METTL9: variants seen among roughly 807,000 people sequenced by gnomAD.
METTL9 encodes protein-L-histidine N-pros-methyltransferase.
A neutral mutation model predicts 36.0 loss-of-function variants in METTL9; 10 were observed. The observed-to-expected ratio is 0.28, with a 90% CI of 0.17 to 0.47. METTL9 has a LOEUF of 0.47. Among genes scored for constraint, METTL9 ranks in the 20% least tolerant of loss-of-function variants. The pLI is 0.99. For synonymous variants in METTL9, 175 were observed against 149.7 expected, an observed-to-expected ratio of 1.17 and a Z score of -1.23; for missense variants, 246 against 383.5, an observed-to-expected ratio of 0.64 and a Z score of 3.00.
intron 4 of METTL9, chr16:21,639,920 C>CTTTA (rs1747998240): frequency 6.8e-6 from 1 of 147,448 alleles, no homozygotes; most frequent in South Asian, 2.1e-4. Flanking sequence ...AAAAGAAACA[C>CTTTA]TTTATTTTAT....
At chr16:21,613,169 T>A (rs979280102) in intron 2 of METTL9, among the ~76,000 whole-genome samples, 1 of 8,756 alleles carries the variant, frequency 1.1e-4, no homozygotes, top group Non-Finnish European at 2.7e-4. Context: ...GAGAGTCTGC[T>A]TTTTTTTTTT....
Position 21,656,235 on chromosome 16 carries a change from C to A in METTL9, c.*803C>A, listed in dbSNP as rs546957027. The A allele has an allele frequency of 7.1e-6, 1 of 140,646 alleles. No individual in the cohort carries two copies. Among genetic ancestry groups the A allele is most frequent in the African/African-American group, 2.7e-5 (1 of 37,634 alleles). The allele number at this position is 140,646 out of a possible 1,614,324, so 8.7% of individuals were successfully genotyped here. ...AAAATGCAAAATAACCTGGTTCTGA[C>A]TTTGTGATCACTCATGTCCCATACA... On this transcript the variant is annotated 3_prime_UTR_variant, in exon 5 of 5. Coordinates refer to ENST00000358154, the MANE Select transcript of METTL9 (RefSeq NM_016025.5).
chr16:21,629,288 G>A (rs1306578885), intron 4 of METTL9, among the ~76,000 whole-genome samples: 1 of 152,108 alleles, frequency 6.6e-6, no homozygotes, highest in African/African-American at 2.4e-5. Context: ...GAGGTGATTA[G>A]GATTAGATGA....
chr16:21,655,665 C>T lies in METTL9; in HGVS notation c.*233C>T, dbSNP rs1350669082. 6.1e-6 allele frequency: 3 copies of T among 489,742 alleles called. No individual in the cohort carries two copies. Among genetic ancestry groups the T allele is most frequent in the Non-Finnish European group, 1.1e-5 (3 of 277,018 alleles). The allele number at this position is 489,742 out of a possible 1,614,324, so 30.3% of individuals were successfully genotyped here. A position where few individuals can be genotyped will look rare whatever the true frequency, so the allele number is the denominator to read the frequency against. On this transcript the variant is annotated 3_prime_UTR_variant, in exon 5 of 5. Coordinates refer to ENST00000358154, the MANE Select transcript of METTL9 (RefSeq NM_016025.5). The stretch of plus-strand genomic sequence containing the variant: ...TTTTTATCAACTCTTTACTCAGAGC[C>T]ACTCTCCAATGCAGGTCACACTCCA...
intron 3 of METTL9, among the ~76,000 whole-genome samples, chr16:21,621,021 A>T (rs912639943): frequency 6.6e-6 from 1 of 151,944 alleles, no homozygotes; most frequent in Non-Finnish European, 1.5e-5. Flanking sequence ...CCTGGGCTAG[A>T]GCATGTGGCG....
chr16:21,630,490 G>A (rs1384529233), intron 4 of METTL9, among the ~76,000 whole-genome samples: 1 of 152,230 alleles, frequency 6.6e-6, no homozygotes, highest in Non-Finnish European at 1.5e-5. Flanking sequence ...AGGGCTGCTA[G>A]CACGTTGTCA....
chr16:21,654,500 C>T (rs909664797), intron 4 of METTL9: 1 of 152,344 alleles, frequency 6.6e-6, no homozygotes, highest in African/African-American at 2.4e-5. Flanking sequence ...TCCCTAGTCC[C>T]CTTGTCCCCC....
chr16:21,617,189 C>T (rs1184078675), intron 2 of METTL9, among the ~76,000 whole-genome samples: 7 of 151,856 alleles, frequency 4.6e-5, no homozygotes, highest in African/African-American at 1.5e-4. Context: ...GAGGCAGAGG[C>T]GGGTGGATCA....
chr16:21,603,102 A>C (rs1158115707), intron 1 of METTL9, among the ~76,000 whole-genome samples: 1 of 151,348 alleles, frequency 6.6e-6, no homozygotes, highest in Non-Finnish European at 1.5e-5. Flanking sequence ...CAGAATAAAG[A>C]CTTTTTCCAA....
intron 1 of METTL9, among the ~76,000 whole-genome samples, chr16:21,609,452 G>A (rs1965374192): frequency 6.6e-6 from 1 of 152,068 alleles, no homozygotes; most frequent in South Asian, 2.1e-4. Context: ...ATTACCAAAG[G>A]GACAAATGGG....
At chr16:21,599,404 C>T (rs751708204), upstream of METTL9, 1 of 1,086,420 alleles carries the variant, frequency 9.2e-7, no homozygotes, top group Non-Finnish European at 1.1e-6. The surrounding 1 kb of genome is among the most constrained non-coding windows in gnomAD (Gnocchi z 4.4). Context: ...GGCGGATGCG[C>T]GCTCCCTTTG....
chr16:21,615,033 C>T (rs1965518390), intron 2 of METTL9, among the ~76,000 whole-genome samples: 1 of 152,136 alleles, frequency 6.6e-6, no homozygotes, highest in Non-Finnish European at 1.5e-5. Flanking sequence ...GCAGTAGTAC[C>T]CCCAGGTCCT....
chr16:21,622,667 TCA>T (rs1270095650), intron 3 of METTL9, among the ~76,000 whole-genome samples: 2 of 152,186 alleles, frequency 1.3e-5, no homozygotes, highest in African/African-American at 2.4e-5. Flanking sequence ...CAAATAAAAA[TCA>T]CAAAACAGAA....
intron 2 of METTL9, among the ~76,000 whole-genome samples, chr16:21,614,326 T>G (rs1031458283): frequency 6.6e-6 from 1 of 152,154 alleles, no homozygotes; most frequent in Non-Finnish European, 1.5e-5. Context: ...AAGGTAGGAA[T>G]CCTCTCTTCA....
chr16:21,647,009 C>G (rs937830112), intron 4 of METTL9: 1 of 1,259,408 alleles, frequency 7.9e-7, no homozygotes, highest in African/African-American at 1.5e-5. Context: ...AGATCACACC[C>G]ATCACTGGCT....
rs546556536 is a variant in METTL9, at chr16:21,602,003, T to A, written c.165+2105T>A. ...GTAGGAAACTGTCCTTTCTGCACTG[T>A]GGCTGGAGTTGATAATTTGTTTTCC... On this transcript the variant is annotated intron_variant, in intron 1 of 4. Coordinates refer to ENST00000358154, the MANE Select transcript of METTL9 (RefSeq NM_016025.5). 2.6e-5 allele frequency among the ~76,000 whole-genome samples: 4 copies of A among 152,312 alleles called. No individual in the cohort carries two copies. The East Asian group carries it at 7.7e-4, about 29-fold the overall frequency.
At chr16:21,645,759 GAC>G (rs1256139527) in intron 4 of METTL9, among the ~76,000 whole-genome samples, 1 of 152,154 alleles carries the variant, frequency 6.6e-6, no homozygotes, top group Non-Finnish European at 1.5e-5. Flanking sequence ...AATGCAGTGA[GAC>G]ATACAAATCT....
intron 4 of METTL9, chr16:21,641,257 C>G (rs1273179258): frequency 4.2e-6 from 1 of 236,880 alleles, no homozygotes; most frequent in Non-Finnish European, 8.2e-6. Context: ...TCACACATCT[C>G]ATGTTGAATG....
At chr16:21,644,801 C>T (rs1966382478) in intron 4 of METTL9, among the ~76,000 whole-genome samples, 1 of 152,126 alleles carries the variant, frequency 6.6e-6, no homozygotes, top group African/African-American at 2.4e-5. Flanking sequence ...AAGATATTTT[C>T]ATATGTATTT....
Sources: allele counts gnomAD v4.1 joint callset (sites outside exome capture counted in the v4.1 genomes callset), GRCh38; gene constraint gnomAD v4.1.1; non-coding constraint Gnocchi (gnomAD v3.1); transcripts MANE v1.5; gene names NCBI Gene and HGNC (gene_info 2026-07-23, HGNC 2026-07-21).